Variants in ENOX2 observed in about 807,000 individuals in gnomAD.
ENOX2 encodes APK1 antigen.
Under a neutral mutation model 45.0 loss-of-function variants are expected in ENOX2, and 36 were observed. The ratio of observed to expected loss-of-function variants is 0.80; its 90% CI spans 0.61 to 1.06. ENOX2 has a LOEUF of 1.06. Ranked by LOEUF, ENOX2 falls within the 50% of genes least tolerant of loss-of-function variation. ENOX2 has a pLI of 0.00. For missense variants in ENOX2, 423 were observed against 462.5 expected (o/e 0.91, Z 0.78); for synonymous variants, 174 against 152.3 (o/e 1.14, Z -1.05).
intron 2 of ENOX2, among the ~76,000 whole-genome samples, chrX:130,856,703 A>G (rs140745804): frequency 7.9e-4 from 88 of 111,595 alleles, no homozygotes; most frequent in Non-Finnish European, 1.5e-3. Context: ...TCCAAAAGGA[A>G]CTAAGGTTAC....
intron 7 of ENOX2, among the ~76,000 whole-genome samples, chrX:130,668,033 T>C (rs1406448540): frequency 2.7e-5 from 3 of 109,843 alleles, no homozygotes; most frequent in African/African-American, 1.0e-4. Context: ...GTTTCATGTA[T>C]TGCAAATTTC....
intron 2 of ENOX2, among the ~76,000 whole-genome samples, chrX:130,835,511 C>A (rs2077913931): frequency 9.0e-6 from 1 of 111,122 alleles, no homozygotes; most frequent in Non-Finnish European, 1.9e-5. Context: ...ACATAACATA[C>A]ATATCTGTCT....
At chrX:130,672,475 C>T (rs6634797) in intron 6 of ENOX2, among the ~76,000 whole-genome samples, 48 of 112,929 alleles carry the variant, frequency 4.3e-4, no homozygotes, top group African/African-American at 1.4e-3. Flanking sequence ...TCACTGCTGG[C>T]GCCTGACCAC....
chrX:130,816,338 T>G (rs1442218205), intron 2 of ENOX2, among the ~76,000 whole-genome samples: 1 of 111,159 alleles, frequency 9.0e-6, no homozygotes, highest in African/African-American at 3.3e-5. Flanking sequence ...AACACCCCAC[T>G]GTCAATATTA....
intron 3 of ENOX2, among the ~76,000 whole-genome samples, chrX:130,766,180 T>C (rs144073729): frequency 2.0e-3 from 222 of 111,777 alleles, no homozygotes; most frequent in African/African-American, 6.9e-3. Context: ...TTATGTGATT[T>C]GATTTGCATT....
intron 2 of ENOX2, among the ~76,000 whole-genome samples, chrX:130,898,962 T>C (rs761223891): frequency 1.8e-5 from 2 of 110,317 alleles, no homozygotes; most frequent in South Asian, 7.7e-4. Flanking sequence ...AGTCTATGAG[T>C]AGGAGATGAA....
At chrX:130,803,285 T>G (rs2077251738) in intron 2 of ENOX2, among the ~76,000 whole-genome samples, 1 of 111,803 alleles carries the variant, frequency 8.9e-6, no homozygotes, top group Non-Finnish European at 1.9e-5. Context: ...TCTTCAAGAT[T>G]ATGTGGGATT....
intron 2 of ENOX2, among the ~76,000 whole-genome samples, chrX:130,833,277 C>G (rs1190285522): frequency 9.0e-6 from 1 of 111,166 alleles, no homozygotes; most frequent in Non-Finnish European, 1.9e-5. Flanking sequence ...ATTGCTCTTC[C>G]TGATATATCT....
At chrX:130,798,866 C>A (rs1274047668) in intron 2 of ENOX2, among the ~76,000 whole-genome samples, 1 of 112,122 alleles carries the variant, frequency 8.9e-6, no homozygotes, top group Non-Finnish European at 1.9e-5. Flanking sequence ...GCAACTATAA[C>A]ACCATTGGAT....
chrX:130,870,187 T>TC (rs936754073), intron 2 of ENOX2, among the ~76,000 whole-genome samples: 7 of 110,868 alleles, frequency 6.3e-5, no homozygotes, highest in Admixed American at 5.7e-4. Context: ...CACTTCATAA[T>TC]CCCTCAATAA....
chrX:130,692,556 T>C (rs186911651), intron 4 of ENOX2, among the ~76,000 whole-genome samples: 2 of 110,634 alleles, frequency 1.8e-5, no homozygotes, highest in Non-Finnish European at 3.8e-5. Context: ...AGCCATGACA[T>C]GTTGATTTGT....
chrX:130,831,958 A>G (rs1457560100), intron 2 of ENOX2, among the ~76,000 whole-genome samples: 1 of 111,138 alleles, frequency 9.0e-6, no homozygotes, highest in African/African-American at 3.3e-5. Context: ...TAAGTAGGGG[A>G]AAATAATTCT....
intron 3 of ENOX2, among the ~76,000 whole-genome samples, chrX:130,723,658 T>C (rs1200780468): frequency 1.8e-5 from 2 of 111,983 alleles, no homozygotes; most frequent in African/African-American, 3.2e-5. Flanking sequence ...TTACTCTTCA[T>C]TGCAGAATCA....
At chrX:130,626,050 A>G (rs1259130690) in intron 14 of ENOX2, among the ~76,000 whole-genome samples, 2 of 111,432 alleles carry the variant, frequency 1.8e-5, no homozygotes, top group African/African-American at 6.5e-5. Context: ...CCTCCTCACT[A>G]TGAGCCTTGG....
intron 2 of ENOX2, among the ~76,000 whole-genome samples, chrX:130,828,011 G>A (rs374242516): frequency 1.8e-5 from 2 of 112,064 alleles, no homozygotes; most frequent in Non-Finnish European, 3.8e-5. Flanking sequence ...TCATTTTTCC[G>A]AAGAGGAAAT....
At chrX:130,843,167 C>T (rs1376471537) in intron 2 of ENOX2, among the ~76,000 whole-genome samples, 2 of 111,427 alleles carry the variant, frequency 1.8e-5, no homozygotes, top group Non-Finnish European at 3.8e-5. Context: ...TCCTGATCTT[C>T]CTCTCGTGTT....
At chrX:130,852,107 A>C (rs1318610655) in intron 2 of ENOX2, among the ~76,000 whole-genome samples, 1 of 112,502 alleles carries the variant, frequency 8.9e-6, no homozygotes, top group Non-Finnish European at 1.9e-5. Flanking sequence ...AAGCAAAGAA[A>C]GAAAACAGAA....
At chrX:130,658,409 C>T (rs1478443246) in intron 9 of ENOX2, among the ~76,000 whole-genome samples, 4 of 111,102 alleles carry the variant, frequency 3.6e-5, no homozygotes, top group African/African-American at 1.3e-4. Flanking sequence ...TTACAAAGAT[C>T]TAAGATACAT....
At chrX:130,654,562 C>A (rs140099132) in intron 10 of ENOX2, among the ~76,000 whole-genome samples, 1 of 111,937 alleles carries the variant, frequency 8.9e-6, no homozygotes, top group East Asian at 2.8e-4. Context: ...TTCACTGGCT[C>A]ACAATGAGCG....
Sources: allele counts gnomAD v4.1 joint callset (sites outside exome capture counted in the v4.1 genomes callset), GRCh38; gene constraint gnomAD v4.1.1; transcripts MANE v1.5; gene names NCBI Gene and HGNC (gene_info 2026-07-23, HGNC 2026-07-21).